The following ADGRL2 variants were observed in gnomAD, a reference collection of about 807,000 sequenced individuals.
The protein encoded by ADGRL2 is adhesion G protein-coupled receptor L2.
A neutral mutation model predicts 157.4 loss-of-function variants in ADGRL2; 44 were observed. That is an observed-to-expected ratio of 0.28 (90% CI 0.22 to 0.36). ADGRL2 has a LOEUF of 0.36. ADGRL2 is among the 10% of genes least tolerant of loss of function. The pLI is 1.00. For missense variants in ADGRL2, 1,510 were observed against 1,768.9 expected, an observed-to-expected ratio of 0.85 and a Z score of 2.63; for synonymous variants, 585 against 624.7, an observed-to-expected ratio of 0.94 and a Z score of 0.95.
chr1:81,930,083 A>G (rs147839835), intron 3 of ADGRL2, among the ~76,000 whole-genome samples: 72 of 152,300 alleles, frequency 4.7e-4, no homozygotes, highest in Non-Finnish European at 9.1e-4. Flanking sequence ...CCCAATTATC[A>G]AATGATTTTG....
intron 2 of ADGRL2, among the ~76,000 whole-genome samples, chr1:81,868,060 GGTGT>G (rs145794673): frequency 2.1e-3 from 301 of 145,656 alleles, no homozygotes; most frequent in African/African-American, 4.6e-3. Context: ...GTGTGTGTGT[GGTGT>G]GTGTGTGTGT....
intron 2 of ADGRL2, among the ~76,000 whole-genome samples, chr1:81,783,763 T>C (rs544606304): frequency 6.6e-6 from 1 of 152,336 alleles, no homozygotes; most frequent in African/African-American, 2.4e-5. Context: ...TATTCAAAAT[T>C]GTTTCATATG....
intron 2 of ADGRL2, among the ~76,000 whole-genome samples, chr1:81,558,536 A>G (rs886288150): frequency 6.6e-6 from 1 of 152,050 alleles, no homozygotes. Context: ...TACATGGGAG[A>G]ATTTGAGTGC....
chr1:81,443,430 T>G (rs1570981861), intron 1 of ADGRL2, among the ~76,000 whole-genome samples: 2 of 147,138 alleles, frequency 1.4e-5, no homozygotes, highest in East Asian at 4.0e-4. Context: ...AGAGTGAAAC[T>G]CCATCTCAAA....
At chr1:81,368,591 C>T (rs2076107153) in intron 1 of ADGRL2, among the ~76,000 whole-genome samples, 1 of 152,118 alleles carries the variant, frequency 6.6e-6, no homozygotes, top group Non-Finnish European at 1.5e-5. Context: ...TTATTCTGTG[C>T]CACGTATGAG....
chr1:81,943,497 G>A lies in ADGRL2; in HGVS notation c.938G>A (p.Arg313His). ...EATWETVYDK[R>H]AASNAFMICG... ...ACGTGGGAGACTGTATACGACAAAC[G>A]TGCCGCATCAAATGCTTTTATGATA... Residue 313 changes from arginine (R) to histidine (H), a missense_variant, in exon 6 of 24, where the codon CGT becomes CAT. This residue lies in a region of ADGRL2 where 361 missense variants were observed against 498.4 expected (regional missense o/e 0.72). Transcript: ENST00000686636. This position sits in a 1 kb window ranked among gnomAD's most constrained non-coding sequence, Gnocchi z 5.6. 6.2e-7 allele frequency: 1 copy of A among 1,613,742 alleles called. No homozygotes were observed. Among genetic ancestry groups the A allele is most frequent in the African/African-American group, 1.3e-5 (1 of 75,000 alleles).
At chr1:81,429,906 T>G (rs2077288686) in intron 1 of ADGRL2, among the ~76,000 whole-genome samples, 1 of 152,170 alleles carries the variant, frequency 6.6e-6, no homozygotes, top group East Asian at 1.9e-4. Context: ...GTTGTTGTTG[T>G]TTTTGAGATG....
intron 1 of ADGRL2, among the ~76,000 whole-genome samples, chr1:81,820,372 T>C (rs1051402180): frequency 6.6e-6 from 1 of 152,186 alleles, no homozygotes; most frequent in African/African-American, 2.4e-5. Flanking sequence ...TGCTTCCATA[T>C]AGTAGAGAAA....
chr1:81,419,927 G>A (rs552218246), intron 1 of ADGRL2, among the ~76,000 whole-genome samples: 4 of 152,200 alleles, frequency 2.6e-5, no homozygotes, highest in African/African-American at 9.6e-5. Flanking sequence ...AACATTTTTG[G>A]CCTACTGTAA....
chr1:81,952,902 A>G lies in ADGRL2; in HGVS notation c.1795-85A>G, dbSNP rs1446251201. The stretch of plus-strand genomic sequence containing the variant: ...TATAAACTTCGAGCTCTGGAACACC[A>G]GCTTAATTTTTGAGGATTTCTTCTT... On this transcript the variant is annotated intron_variant, in intron 9 of 23. Coordinates refer to ENST00000686636, the MANE Select transcript of ADGRL2 (RefSeq NM_001366006.2). The G allele has an allele frequency of 4.6e-6, 5 of 1,083,984 alleles. No homozygotes were observed. The Admixed American group carries it at 8.8e-5, about 19-fold the overall frequency. 67.1% of individuals were successfully genotyped at this position (1,083,984 alleles called of 1,614,324 possible).
chr1:81,407,405 C>A (rs2101366050), intron 1 of ADGRL2, among the ~76,000 whole-genome samples: 1 of 152,312 alleles, frequency 6.6e-6, no homozygotes, highest in South Asian at 2.1e-4. Flanking sequence ...GACAGAGACC[C>A]AATTCCATCC....
At chr1:81,639,078 G>A (rs1043182108) in intron 3 of ADGRL2, among the ~76,000 whole-genome samples, 2 of 152,136 alleles carry the variant, frequency 1.3e-5, no homozygotes, top group Non-Finnish European at 2.9e-5. Context: ...TATTGTTGTT[G>A]TTGTTGTTTG....
At chr1:81,631,537 G>A (rs937423841) in intron 3 of ADGRL2, among the ~76,000 whole-genome samples, 4 of 152,084 alleles carry the variant, frequency 2.6e-5, no homozygotes, top group East Asian at 1.9e-4. Context: ...GCAAAGTCTA[G>A]TACCTTGATT....
At chr1:81,488,160 G>A (rs2078549608) in intron 2 of ADGRL2, among the ~76,000 whole-genome samples, 1 of 151,680 alleles carries the variant, frequency 6.6e-6, no homozygotes, top group Admixed American at 6.6e-5. Context: ...TTAAAGGCTA[G>A]GACTTTCAAA....
intron 1 of ADGRL2, among the ~76,000 whole-genome samples, chr1:81,394,876 CTTTT>C (rs541801812): frequency 0.024 from 3,578 of 146,174 alleles, 68 homozygotes; most frequent in Middle Eastern, 0.087. Context: ...TTTTGTCTCT[CTTTT>C]TTATTTATTT....
chr1:81,598,190 G>T (rs1454604826), intron 3 of ADGRL2, among the ~76,000 whole-genome samples: 1 of 152,160 alleles, frequency 6.6e-6, no homozygotes, highest in Non-Finnish European at 1.5e-5. Context: ...GATGGGTGGG[G>T]TAGAATGGTC....
intron 3 of ADGRL2, among the ~76,000 whole-genome samples, chr1:81,694,622 A>G (rs2083407142): frequency 6.6e-6 from 1 of 152,146 alleles, no homozygotes; most frequent in African/African-American, 2.4e-5. Flanking sequence ...TGCATCATTT[A>G]TGTGTCAGCT....
chr1:81,426,621 G>GA, intron 1 of ADGRL2: 1 of 476,004 alleles, frequency 2.1e-6, no homozygotes, highest in Non-Finnish European at 4.1e-6. Context: ...AGAACATTTG[G>GA]AAAAATGGGC....
intron 1 of ADGRL2, among the ~76,000 whole-genome samples, chr1:81,355,761 G>A (rs567163074): frequency 1.5e-3 from 222 of 152,222 alleles, no homozygotes; most frequent in African/African-American, 5.2e-3. Flanking sequence ...TGTTCTGTAG[G>A]CAACAAGAGC....
Sources: gnomAD v4.1 joint callset for allele counts (sites outside exome capture counted in the v4.1 genomes callset) on GRCh38, gnomAD v4.1.1 for gene constraint, gnomAD v4.1.1 regional missense constraint, Gnocchi (gnomAD v3.1) non-coding constraint, MANE v1.5 for transcripts, NCBI Gene and HGNC (gene_info 2026-07-23, HGNC 2026-07-21) for gene names.